GAS7: variants seen among roughly 807,000 people sequenced by gnomAD.
GAS7 encodes the protein growth arrest-specific protein 7.
Under a neutral mutation model 71.1 loss-of-function variants are expected in GAS7, and 28 were observed. The observed-to-expected ratio is 0.39, with a 90% CI of 0.29 to 0.54. The LOEUF is 0.54. GAS7 is among the 20% of genes least tolerant of loss of function. The pLI is 0.62. For synonymous variants in GAS7, 258 were observed against 245.8 expected (o/e 1.05, Z -0.46); for missense variants, 436 against 627.8 (o/e 0.69, Z 3.27).
chr17:9,988,443 C>T (rs2070722412), intron 2 of GAS7, among the ~76,000 whole-genome samples: 2 of 152,212 alleles, frequency 1.3e-5, no homozygotes, highest in African/African-American at 4.8e-5. Flanking sequence ...CTGCTTATCT[C>T]CCTTGGCCAA....
intron 1 of GAS7, among the ~76,000 whole-genome samples, chr17:10,187,812 C>G (rs1245844383): frequency 2.6e-5 from 4 of 152,104 alleles, no homozygotes; most frequent in Non-Finnish European, 5.9e-5. Context: ...CCTATTCTTC[C>G]CACAAAAGGA....
rs2072472589 is a variant in GAS7, at chr17:10,026,724, C to T, written c.184-6827G>A. Among the ~76,000 whole-genome samples the T allele has an allele frequency of 6.6e-6, 1 of 152,202 alleles. No individual in the cohort carries two copies. The highest frequency in any genetic ancestry group is 2.4e-5 in the African/African-American group (1 of 41,440). On this transcript the variant is annotated intron_variant, in intron 1 of 13. Coordinates refer to ENST00000432992, the MANE Select transcript of GAS7 (RefSeq NM_201433.2). This position sits in a 1 kb window ranked among gnomAD's most constrained non-coding sequence, Gnocchi z 4.5. ...CTGGCAATTCACTCCCACGTCATGC[C>T]TTCCTGGTGGACACCTGTTTAGGTG...
chr17:10,194,171 G>A (rs1048144006), intron 1 of GAS7, among the ~76,000 whole-genome samples: 1 of 152,218 alleles, frequency 6.6e-6, no homozygotes, highest in African/African-American at 2.4e-5. Flanking sequence ...TTTTAGGAAA[G>A]AGAAAAGGTC....
At chr17:10,072,380 T>A (rs996282234) in intron 1 of GAS7, among the ~76,000 whole-genome samples, 1 of 152,102 alleles carries the variant, frequency 6.6e-6, no homozygotes, top group Non-Finnish European at 1.5e-5. Context: ...CTCCACAATG[T>A]CTTCACTGGA....
chr17:9,947,051 C>CAG, intron 5 of GAS7, 68 bp from the exon 6 acceptor site: 2 of 1,050,410 alleles, frequency 1.9e-6, no homozygotes, highest in Non-Finnish European at 1.5e-6. Context: ...GCTTCGGCTC[C>CAG]TGGGGGACAC....
intron 1 of GAS7, among the ~76,000 whole-genome samples, chr17:10,159,136 G>A (rs9908773): frequency 0.23 from 30,927 of 131,834 alleles, 3,784 homozygotes; most frequent in Middle Eastern, 0.29. Flanking sequence ...ACCCCTACAC[G>A]TTCACCCAAA....
intron 1 of GAS7, among the ~76,000 whole-genome samples, chr17:10,031,068 T>C (rs1395961542): frequency 1.3e-5 from 2 of 151,958 alleles, no homozygotes; most frequent in South Asian, 2.1e-4. Flanking sequence ...TCATAAGAGG[T>C]AGACATTAGG....
intron 2 of GAS7, among the ~76,000 whole-genome samples, chr17:10,005,179 A>ATGTGTGTGTGCACGCATGCATGTG (rs907522703): frequency 1.4e-4 from 17 of 120,006 alleles, no homozygotes; most frequent in Non-Finnish European, 2.0e-5. Context: ...GCATGCATGT[A>ATGTGTGTGTGCACGCATGCATGTG]TGTGTATGTG....
intron 1 of GAS7, among the ~76,000 whole-genome samples, chr17:10,130,170 A>AAAAC (rs987350436): frequency 6.6e-6 from 1 of 150,756 alleles, no homozygotes; most frequent in Non-Finnish European, 1.5e-5. Context: ...CTCAGCCTCA[A>AAAAC]AAAAAAAAAC....
chr17:10,097,454 G>A (rs1567590112), intron 1 of GAS7, among the ~76,000 whole-genome samples: 1 of 152,162 alleles, frequency 6.6e-6, no homozygotes, highest in South Asian at 2.1e-4. Context: ...GAGAGGAACC[G>A]GGGCACACAG....
At chr17:10,058,494 G>A (rs926034904) in intron 1 of GAS7, among the ~76,000 whole-genome samples, 19 of 152,052 alleles carry the variant, frequency 1.2e-4, no homozygotes, top group African/African-American at 4.6e-4. Context: ...TGTTATAGGA[G>A]AAGCCCGAAT....
In GAS7 at chr17:9,958,226, G is replaced by A. The variant is rs528980718; in HGVS notation, c.525+976C>T. On this transcript the variant is annotated intron_variant, in intron 5 of 13. Coordinates refer to ENST00000432992, the MANE Select transcript of GAS7 (RefSeq NM_201433.2). The stretch of plus-strand genomic sequence containing the variant: ...GGCCTCAGAGTCCACGTTCATCATC[G>A]TTATACTATATTGATTCCACGACTG... 1.5e-3 allele frequency among the ~76,000 whole-genome samples: 226 copies of A among 152,194 alleles called. 1 individual carries two copies. The highest frequency in any genetic ancestry group is 2.6e-3 in the Non-Finnish European group (179 of 68,008).
intron 1 of GAS7, among the ~76,000 whole-genome samples, chr17:10,110,626 C>T (rs2073802695): frequency 6.6e-6 from 1 of 152,034 alleles, no homozygotes; most frequent in South Asian, 2.1e-4. Flanking sequence ...TGCATGTCAC[C>T]ACGTCTGGCT....
chr17:9,955,420 G>GT (rs1235854889), intron 5 of GAS7, among the ~76,000 whole-genome samples: 1 of 152,208 alleles, frequency 6.6e-6, no homozygotes, highest in Non-Finnish European at 1.5e-5. Context: ...AGCAAATAAT[G>GT]TGCCAGCCAC....
chr17:9,914,468 T>C lies in GAS7; in HGVS notation c.*2760A>G, dbSNP rs2067527086. On this transcript the variant is annotated 3_prime_UTR_variant, in exon 14 of 14. Transcript: ENST00000432992. ...GTCTCGATCTCCTGACCTCGTGATC[T>C]GCCCACCTCGGCCTCCCAAAGAGCT... 1 of 181,124 alleles carries C rather than the reference T, an allele frequency of 5.5e-6. No individual in the cohort carries two copies. Among genetic ancestry groups the C allele is most frequent in the Admixed American group, 6.3e-5 (1 of 15,948 alleles). The allele number at this position is 181,124 out of a possible 1,614,324, so 11.2% of individuals were successfully genotyped here.
At chr17:10,094,694 T>G (rs1228041689) in intron 1 of GAS7, among the ~76,000 whole-genome samples, 1 of 152,058 alleles carries the variant, frequency 6.6e-6, no homozygotes, top group East Asian at 1.9e-4. Context: ...AGTCTCGATC[T>G]CCTGACCTCA....
chr17:9,925,255 C>A (rs1291699241), intron 11 of GAS7, among the ~76,000 whole-genome samples: 3 of 152,240 alleles, frequency 2.0e-5, no homozygotes, highest in African/African-American at 7.2e-5. Flanking sequence ...CTAGCCCGGC[C>A]TGTGTCCTTC....
intron 1 of GAS7, among the ~76,000 whole-genome samples, chr17:10,052,674 G>A (rs192950429): frequency 2.3e-4 from 35 of 152,308 alleles, no homozygotes; most frequent in African/African-American, 8.4e-4. Context: ...ACGCACTCAC[G>A]CTCAGTCACC....
chr17:10,146,016 G>A (rs1056831299), intron 1 of GAS7, among the ~76,000 whole-genome samples: 2 of 152,142 alleles, frequency 1.3e-5, no homozygotes, highest in Admixed American at 1.3e-4. Context: ...CAGGTCCTGC[G>A]CTGATGGACC....
Sources: allele counts gnomAD v4.1 joint callset (sites outside exome capture counted in the v4.1 genomes callset), GRCh38; gene constraint gnomAD v4.1.1; non-coding constraint Gnocchi (gnomAD v3.1); transcripts MANE v1.5; gene names NCBI Gene and HGNC (gene_info 2026-07-23, HGNC 2026-07-21).